The following IDNK variants were observed in gnomAD, a reference collection of about 807,000 sequenced individuals.
The protein encoded by IDNK is IDNK gluconokinase, also known as gluconokinase.
In IDNK, 9 loss-of-function variants were observed where a neutral mutation model predicts 13.0. The ratio of observed to expected loss-of-function variants is 0.69; its 90% CI spans 0.42 to 1.21. IDNK has a LOEUF of 1.21. IDNK is among the 50% of genes most tolerant of loss of function. The pLI, the probability that IDNK is intolerant of heterozygous loss-of-function variation, is 0.00. For missense variants in IDNK, 210 were observed against 237.8 expected (o/e 0.88, Z 0.77); for synonymous variants, 92 against 94.9 (o/e 0.97, Z 0.18).
intron 1 of IDNK, chr9:83,627,912 GA>G (rs1830904584): frequency 8.5e-6 from 5 of 588,036 alleles, no homozygotes; most frequent in Non-Finnish European, 8.9e-6. Flanking sequence ...GATTACTGAA[GA>G]AAAAACTTGG....
intron 4 of IDNK, 43 bp downstream of exon 4, chr9:83,641,634 T>C: frequency 6.3e-7 from 1 of 1,593,606 alleles, no homozygotes; most frequent in African/African-American, 1.3e-5. Context: ...AGCCAGCAGG[T>C]AAAGAAAACC....
At chr9:83,626,894 AT>A (rs1830867502) in intron 1 of IDNK, 1 of 1,060,466 alleles carries the variant, frequency 9.4e-7, no homozygotes, top group South Asian at 2.4e-5. Context: ...CCAGGAGCAG[AT>A]CTCAGTTTGG....
chr9:83,643,404 C>CTT, intron 4 of IDNK, 25 bp from the exon 5 acceptor site: 19 of 1,362,070 alleles, frequency 1.4e-5, no homozygotes, highest in South Asian at 7.0e-5. Flanking sequence ...TAGCCTCCCT[C>CTT]TTTTTTTTTT....
chr9:83,641,962 T>TAC (rs1416534727), intron 4 of IDNK, among the ~76,000 whole-genome samples: 1 of 152,254 alleles, frequency 6.6e-6, no homozygotes, highest in African/African-American at 2.4e-5. Flanking sequence ...CAATATCTGA[T>TAC]ACATAGTAAG....
Position 83,623,230 on chromosome 9 carries a change from G to A in IDNK, c.50+9G>A. 7.2e-7 allele frequency: 1 copy of A among 1,394,398 alleles called. No individual in the cohort carries two copies. Among genetic ancestry groups the A allele is most frequent in the Non-Finnish European group, 9.3e-7 (1 of 1,077,250 alleles). 86.4% of individuals were successfully genotyped at this position (1,394,398 alleles called of 1,614,324 possible). A position where few individuals can be genotyped will look rare whatever the true frequency, so the allele number is the denominator to read the frequency against. On this transcript the variant is annotated intron_variant, in intron 1 of 4. Transcript: ENST00000376419. ...GTGAGCGGCTCGGGGAAGTAGGTCC[G>A]GGAGAGGGCGGGGGGCGCCCGGGAC...
intron 1 of IDNK, among the ~76,000 whole-genome samples, chr9:83,625,897 A>G (rs1484869701): frequency 6.6e-6 from 1 of 152,236 alleles, no homozygotes; most frequent in African/African-American, 2.4e-5. Flanking sequence ...CGTAGATACT[A>G]AATACTTGTT....
At position 83,633,048 on chromosome 9, in the gene IDNK, T is replaced by C. The variant is rs1389212738; in HGVS notation, c.168+4089T>C. Among the ~76,000 whole-genome samples, 6 of 152,358 alleles carry C rather than the reference T, an allele frequency of 3.9e-5. No individual in the cohort carries two copies. In the South Asian group the frequency reaches 6.2e-4, roughly 16 times the overall value. ...TACTCTTTCCAAGGCCTGATCAAGATTGGCCTGTCCTCCAGGCGCAGTGGC... is the reference window on the plus strand; with the variant it reads ...TACTCTTTCCAAGGCCTGATCAAGACTGGCCTGTCCTCCAGGCGCAGTGGC... On this transcript the variant is annotated intron_variant, in intron 3 of 4. Transcript: ENST00000376419.
intron 1 of IDNK, among the ~76,000 whole-genome samples, chr9:83,627,855 A>C (rs890134283): frequency 8.0e-4 from 14 of 17,570 alleles, no homozygotes; most frequent in Non-Finnish European, 1.2e-3. Flanking sequence ...CCCCACCACA[A>C]AAAAAAAAAA....
chr9:83,639,970 T>C (rs904458520), intron 3 of IDNK, among the ~76,000 whole-genome samples: 10 of 152,212 alleles, frequency 6.6e-5, no homozygotes, highest in African/African-American at 2.4e-4. Flanking sequence ...GCTCCTGCTG[T>C]GTGGCTGCCT....
chr9:83,637,389 G>T (rs1037713133), intron 3 of IDNK, among the ~76,000 whole-genome samples: 1 of 152,192 alleles, frequency 6.6e-6, no homozygotes, highest in Admixed American at 6.5e-5. Context: ...GTGGATCCAG[G>T]TAACTAGAGG....
intron 2 of IDNK, 123 bp downstream of exon 2, chr9:83,628,334 AT>A (rs1376917052): frequency 2.2e-5 from 19 of 883,436 alleles, no homozygotes; most frequent in Admixed American, 1.6e-4. Flanking sequence ...CACTGGAGCA[AT>A]TTTGTTTTTC....
intron 1 of IDNK, chr9:83,626,311 C>T (rs1273448231): frequency 8.9e-6 from 2 of 225,488 alleles, no homozygotes; most frequent in Non-Finnish European, 1.8e-5. Context: ...TTTTTCTTTT[C>T]CCATCTTCTT....
intron 3 of IDNK, among the ~76,000 whole-genome samples, chr9:83,632,745 T>C (rs1831057302): frequency 6.6e-6 from 1 of 152,150 alleles, no homozygotes; most frequent in African/African-American, 2.4e-5. Flanking sequence ...TTGGATTGTC[T>C]CATTTCTTTC....
intron 3 of IDNK, among the ~76,000 whole-genome samples, chr9:83,638,494 A>G (rs1831219958): frequency 6.6e-6 from 1 of 152,182 alleles, no homozygotes; most frequent in Non-Finnish European, 1.5e-5. Flanking sequence ...ACCCAAGTAA[A>G]TAGAATAGGA....
chr9:83,643,664 T>C lies in IDNK; in HGVS notation c.448T>C (p.Ser150Pro). ...TTTTATGCCCCCTGAATTATTGCAG[T>C]CCCAGTTTGAGACTCTGGAGCCCCC... ...GHFMPPELLQ[S>P]QFETLEPPAA... Residue 150 changes from serine to proline, a missense_variant, in exon 5 of 5, where the codon TCC becomes CCC. Ser to Pro is a moderately conservative substitution (Grantham distance 74). Coordinates refer to ENST00000376419, the MANE Select transcript of IDNK (RefSeq NM_001001551.4). 6.2e-7 allele frequency: 1 copy of C among 1,613,960 alleles called. No individual in the cohort carries two copies. The highest frequency in any genetic ancestry group is 8.5e-7 in the Non-Finnish European group (1 of 1,179,994).
chr9:83,634,470 T>C (rs1355247081), intron 3 of IDNK, among the ~76,000 whole-genome samples: 1 of 152,230 alleles, frequency 6.6e-6, no homozygotes, highest in East Asian at 1.9e-4. Context: ...AAAACATGTA[T>C]TCAAAGTAAA....
chr9:83,641,563 C>T lies in IDNK; in HGVS notation c.184C>T (p.Leu62Phe). 1 of 1,614,070 alleles carries T rather than the reference C, an allele frequency of 6.2e-7. No homozygotes were observed. The highest frequency in any genetic ancestry group is 1.1e-5 in the South Asian group (1 of 91,084). ...PLNDQDRIPW[L>F]CNLHDILLRD... ...TTTTTTTCAGGACCGGATTCCATGGCTCTGTAACTTGCATGACATTTTACT... is the reference window on the plus strand; with the variant it reads ...TTTTTTTCAGGACCGGATTCCATGGTTCTGTAACTTGCATGACATTTTACT... The change falls in exon 4 of 5, where the codon CTC becomes TTC. Residue 62 changes from leucine to phenylalanine, a missense_variant. Physicochemically the swap from Leu to Phe is conservative, Grantham distance 22. Transcript: ENST00000376419.
chr9:83,635,295 G>A (rs75357108), intron 3 of IDNK, among the ~76,000 whole-genome samples: 19 of 152,288 alleles, frequency 1.2e-4, no homozygotes, highest in Middle Eastern at 3.4e-3. Context: ...CAACTGTCAC[G>A]TGGCCTGTAA....
At chr9:83,627,331 G>A (rs1830882042) in intron 1 of IDNK, among the ~76,000 whole-genome samples, 5 of 152,204 alleles carry the variant, frequency 3.3e-5, no homozygotes, top group African/African-American at 4.8e-5. Flanking sequence ...GTACTAGACT[G>A]TTTAGGAAGG....
Sources: gnomAD v4.1 joint callset for allele counts (sites outside exome capture counted in the v4.1 genomes callset) on GRCh38, gnomAD v4.1.1 for gene constraint, MANE v1.5 for transcripts, NCBI Gene and HGNC (gene_info 2026-07-23, HGNC 2026-07-21) for gene names.